ST3GAL3: variants seen among roughly 807,000 people sequenced by gnomAD.
The protein encoded by ST3GAL3 is ST3 beta-galactoside alpha-2,3-sialyltransferase 3.
Under a neutral mutation model 50.1 loss-of-function variants are expected in ST3GAL3, and 21 were observed. The ratio of observed to expected loss-of-function variants is 0.42; its 90% CI spans 0.30 to 0.60. The LOEUF is 0.60. Ranked by LOEUF, ST3GAL3 falls within the 20% of genes least tolerant of loss-of-function variation. ST3GAL3 has a pLI of 0.19. For synonymous variants in ST3GAL3, 183 were observed against 190.0 expected (o/e 0.96, Z 0.30); for missense variants, 353 against 489.4 (o/e 0.72, Z 2.63).
In ST3GAL3 at chr1:43,851,630, T is replaced by A. The variant is rs540879357; in HGVS notation, c.302+13319T>A. On this transcript the variant is annotated intron_variant, in intron 5 of 11. Coordinates refer to ENST00000347631, the MANE Select transcript of ST3GAL3 (RefSeq NM_006279.5). ...TCTGCCGGTACTCTCCTTAATGATG[T>A]TGTAAACCTCAACATCGCTGTCTTT... 1.8e-5 allele frequency: 23 copies of A among 1,282,410 alleles called. No homozygotes were observed. In the Admixed American group the frequency reaches 2.9e-4, roughly 16 times the overall value. 79.4% of individuals were successfully genotyped at this position (1,282,410 alleles called of 1,614,324 possible). A position where few individuals can be genotyped will look rare whatever the true frequency, so the allele number is the denominator to read the frequency against.
At chr1:43,766,856 C>T (rs758360830) in intron 2 of ST3GAL3, among the ~76,000 whole-genome samples, 1 of 151,960 alleles carries the variant, frequency 6.6e-6, no homozygotes, top group Non-Finnish European at 1.5e-5. Context: ...ATTCCCTCAG[C>T]AAAATAAGAG....
intron 3 of ST3GAL3, among the ~76,000 whole-genome samples, chr1:43,799,017 GAC>G (rs1276141793): frequency 3.3e-5 from 5 of 152,274 alleles, no homozygotes; most frequent in Admixed American, 1.3e-4. Context: ...TACTTTTATT[GAC>G]ACAGACGATG....
intron 3 of ST3GAL3, among the ~76,000 whole-genome samples, chr1:43,808,392 C>T (rs531365308): frequency 6.6e-6 from 1 of 150,664 alleles, no homozygotes; most frequent in East Asian, 1.9e-4. Flanking sequence ...GATAATTGGG[C>T]AGGCTGAACT....
intron 5 of ST3GAL3, chr1:43,842,375 A>T (rs186752302): frequency 6.6e-6 from 1 of 152,216 alleles, no homozygotes; most frequent in East Asian, 1.9e-4. Context: ...AAAAAATCTG[A>T]GCTCTCCATT....
At chr1:43,745,290 G>T (rs906991864) in intron 2 of ST3GAL3, among the ~76,000 whole-genome samples, 1 of 152,224 alleles carries the variant, frequency 6.6e-6, no homozygotes, top group Admixed American at 6.5e-5. Flanking sequence ...ATAAGGGATG[G>T]GGGATGGGTA....
In ST3GAL3 at chr1:43,829,995, CTTTTTTTTTTTTT is replaced by C. The variant is rs71579312; in HGVS notation, c.210-8206_210-8194del. Among the ~76,000 whole-genome samples the C allele has an allele frequency of 3.1e-4, 22 of 70,130 alleles. 1 individual carries two copies. The East Asian group carries it at 5.6e-3, about 18-fold the overall frequency. 46.0% of individuals were successfully genotyped at this position (70,130 alleles called of 152,430 possible). On this transcript the variant is annotated intron_variant, in intron 4 of 11. Coordinates refer to ENST00000347631, the MANE Select transcript of ST3GAL3 (RefSeq NM_006279.5). ...CAACCCACTGCAAGCATAAAAATTC[CTTTTTTTTTTTTT>C]TTTTTTTTTTTTTTTTTGAGACAGG...
chr1:43,873,791 AAAAT>A (rs754298933), intron 5 of ST3GAL3, among the ~76,000 whole-genome samples: 6 of 151,980 alleles, frequency 3.9e-5, no homozygotes, highest in Middle Eastern at 3.2e-3. Context: ...ATTCTGTCTC[AAAAT>A]AAATAAATAA....
chr1:43,841,254 A>T (rs2065325932), intron 5 of ST3GAL3: 1 of 152,346 alleles, frequency 6.6e-6, no homozygotes, highest in Non-Finnish European at 1.5e-5. Context: ...CAGCTCCACA[A>T]GGCAGTGTCC....
At chr1:43,808,324 G>A (rs2060148005) in intron 3 of ST3GAL3, among the ~76,000 whole-genome samples, 1 of 150,994 alleles carries the variant, frequency 6.6e-6, no homozygotes, top group South Asian at 2.1e-4. Context: ...AAAAAAAAGT[G>A]GAGCTCAGGA....
intron 1 of ST3GAL3, among the ~76,000 whole-genome samples, chr1:43,710,897 C>T (rs1298925871): frequency 6.6e-6 from 1 of 152,216 alleles, no homozygotes; most frequent in African/African-American, 2.4e-5. Context: ...AATCCTGCTT[C>T]TACCCACAGT....
intron 6 of ST3GAL3, among the ~76,000 whole-genome samples, chr1:43,896,205 C>G (rs1474378637): frequency 6.6e-6 from 1 of 152,166 alleles, no homozygotes; most frequent in African/African-American, 2.4e-5. Context: ...GCATCCCTGC[C>G]CATCCCACCC....
intron 10 of ST3GAL3, 115 bp downstream of exon 10, chr1:43,920,665 A>T: frequency 1.9e-6 from 3 of 1,605,412 alleles, no homozygotes; most frequent in Non-Finnish European, 2.6e-6. Flanking sequence ...TCTGGGGAAG[A>T]GGGCTCAGTC....
At chr1:43,869,025 C>G in intron 5 of ST3GAL3, among the ~76,000 whole-genome samples, 1 of 152,166 alleles carries the variant, frequency 6.6e-6, no homozygotes, top group East Asian at 1.9e-4. Flanking sequence ...TCTGCTGCCT[C>G]TTTGGGCCTA....
chr1:43,879,160 T>C, intron 5 of ST3GAL3: 1 of 445,752 alleles, frequency 2.2e-6, no homozygotes, highest in Non-Finnish European at 4.5e-6. Context: ...GAACCAGCCT[T>C]GGAAAGATGC....
Position 43,899,780 on chromosome 1 carries a change from T to C in ST3GAL3, c.744+53T>C. 1 of 1,509,648 alleles carries C rather than the reference T, an allele frequency of 6.6e-7. No individual in the cohort carries two copies. Among genetic ancestry groups the C allele is most frequent in the Non-Finnish European group, 9.2e-7 (1 of 1,086,622 alleles). The allele number at this position is 1,509,648 out of a possible 1,614,324, so 93.5% of individuals were successfully genotyped here. A position where few individuals can be genotyped will look rare whatever the true frequency, so the allele number is the denominator to read the frequency against. ...CCCTCTTGCCCTGGGCTTCCGCAAC[T>C]CCTAAGCAATCCCGCCCCTTGAATG... On this transcript the variant is annotated intron_variant, in intron 9 of 11. Coordinates refer to ENST00000347631, the MANE Select transcript of ST3GAL3 (RefSeq NM_006279.5). The surrounding 1 kb of genome is among the most constrained non-coding windows in gnomAD (Gnocchi z 5.4).
chr1:43,721,295 C>CTTTTT (rs35508020), intron 1 of ST3GAL3, among the ~76,000 whole-genome samples: 1 of 99,846 alleles, frequency 1.0e-5, no homozygotes. Context: ...ATAATTAAAC[C>CTTTTT]TTTTTTTTTT....
At chr1:43,926,408 G>A (rs753827481) in intron 11 of ST3GAL3, among the ~76,000 whole-genome samples, 14 of 152,120 alleles carry the variant, frequency 9.2e-5, no homozygotes, top group Non-Finnish European at 1.8e-4. Context: ...TGACCAACAT[G>A]GAGAAACCCT....
chr1:43,719,234 ATAAGAAG>A (rs1396480038), intron 1 of ST3GAL3: 1 of 152,234 alleles, frequency 6.6e-6, no homozygotes, highest in Non-Finnish European at 1.5e-5. Flanking sequence ...AGATTGGCTA[ATAAGAAG>A]TAAAGAAATA....
chr1:43,713,203 G>A (rs888628060), intron 1 of ST3GAL3, among the ~76,000 whole-genome samples: 2 of 152,198 alleles, frequency 1.3e-5, no homozygotes, highest in Non-Finnish European at 2.9e-5. Flanking sequence ...CCTAGGGCTA[G>A]ATGAGCAGCA....
Sources: allele counts gnomAD v4.1 joint callset (sites outside exome capture counted in the v4.1 genomes callset), GRCh38; gene constraint gnomAD v4.1.1; non-coding constraint Gnocchi (gnomAD v3.1); transcripts MANE v1.5; gene names NCBI Gene and HGNC (gene_info 2026-07-23, HGNC 2026-07-21).